The following B4GALT1 variants were observed in gnomAD, a reference collection of about 807,000 sequenced individuals.
B4GALT1 encodes N-acetyllactosamine synthase.
A neutral mutation model predicts 34.9 loss-of-function variants in B4GALT1; 16 were observed. The observed-to-expected ratio is 0.46, with a 90% CI of 0.31 to 0.70. The LOEUF is 0.70. Ranked by LOEUF, B4GALT1 falls within the 30% of genes least tolerant of loss-of-function variation. The probability of loss-of-function intolerance (pLI) is 0.05; values close to 1 mark genes in which losing one functional copy is unlikely to be tolerated. For synonymous variants in B4GALT1, 221 were observed against 218.1 expected, an observed-to-expected ratio of 1.01 and a Z score of -0.12; for missense variants, 445 against 530.5, an observed-to-expected ratio of 0.84 and a Z score of 1.58.
At chr9:33,159,873 G>C (rs1564053905) in intron 1 of B4GALT1, among the ~76,000 whole-genome samples, 1 of 152,204 alleles carries the variant, frequency 6.6e-6, no homozygotes, top group African/African-American at 2.4e-5. Context: ...CCAGCACAGG[G>C]ACTTAGCTGC....
At chr9:33,141,910 T>G (rs1190132023) in intron 1 of B4GALT1, among the ~76,000 whole-genome samples, 1 of 152,198 alleles carries the variant, frequency 6.6e-6, no homozygotes, top group African/African-American at 2.4e-5. Flanking sequence ...GACTCTCGAT[T>G]CTCACGTGAA....
At chr9:33,129,117 G>T (rs1317121327) in intron 2 of B4GALT1, among the ~76,000 whole-genome samples, 1 of 152,050 alleles carries the variant, frequency 6.6e-6, no homozygotes, top group Non-Finnish European at 1.5e-5. Flanking sequence ...CCTGGCCATC[G>T]TGTGCTTACC....
At chr9:33,152,173 G>A (rs1023658595) in intron 1 of B4GALT1, among the ~76,000 whole-genome samples, 25 of 151,866 alleles carry the variant, frequency 1.6e-4, no homozygotes, top group African/African-American at 3.6e-4. Context: ...GTGTGGTGGC[G>A]GGTGCCTGTA....
intron 2 of B4GALT1, among the ~76,000 whole-genome samples, chr9:33,129,185 TG>T (rs1177761605): frequency 2.0e-5 from 3 of 151,894 alleles, no homozygotes; most frequent in Admixed American, 6.6e-5. Flanking sequence ...CTCTGGGGGA[TG>T]GGGGGAGGTG....
chr9:33,140,262 C>T (rs987007433), intron 1 of B4GALT1, among the ~76,000 whole-genome samples: 8 of 152,126 alleles, frequency 5.3e-5, no homozygotes, highest in African/African-American at 9.7e-5. Flanking sequence ...GCCAGTGGGT[C>T]GAAAGAAGCG....
chr9:33,113,234 G>T lies in B4GALT1; in HGVS notation c.*220C>A, dbSNP rs1223097332. On this transcript the variant is annotated 3_prime_UTR_variant, in exon 6 of 6. Transcript: ENST00000379731. Reference sequence around the variant, plus strand: ...GCGAACACATCAAGAAACCCGCAAAGGCATAAACACCTTGCAGAGCTAAGA... The same window carrying T: ...GCGAACACATCAAGAAACCCGCAAATGCATAAACACCTTGCAGAGCTAAGA... 4 of 633,424 alleles carry T rather than the reference G, an allele frequency of 6.3e-6. No individual in the cohort carries two copies. In the African/African-American group the frequency reaches 7.3e-5, roughly 11 times the overall value. The allele number at this position is 633,424 out of a possible 1,614,324, so 39.2% of individuals were successfully genotyped here.
chr9:33,153,242 G>T (rs1587747155), intron 1 of B4GALT1, among the ~76,000 whole-genome samples: 1 of 152,096 alleles, frequency 6.6e-6, no homozygotes, highest in African/African-American at 2.4e-5. Context: ...AAAGCCAGAG[G>T]GCAAACTGAC....
chr9:33,113,329 T>G lies in B4GALT1; in HGVS notation c.*125A>C. 7.0e-7 allele frequency: 1 copy of G among 1,428,528 alleles called. No individual in the cohort carries two copies. The highest frequency in any genetic ancestry group is 9.9e-7 in the Non-Finnish European group (1 of 1,014,780). 88.5% of individuals were successfully genotyped at this position (1,428,528 alleles called of 1,614,324 possible). A position where few individuals can be genotyped will look rare whatever the true frequency, so the allele number is the denominator to read the frequency against. ...CTGGTCATCTGGAAAGCCATCTGAATGATGAGCGAAGGGGACCTGTCACTC... is the reference window on the plus strand; with the variant it reads ...CTGGTCATCTGGAAAGCCATCTGAAGGATGAGCGAAGGGGACCTGTCACTC... On this transcript the variant is annotated 3_prime_UTR_variant, in exon 6 of 6. Coordinates refer to ENST00000379731, the MANE Select transcript of B4GALT1 (RefSeq NM_001497.4).
chr9:33,116,186 G>C, intron 3 of B4GALT1, 73 bp from the exon 4 acceptor site: 1 of 1,548,668 alleles, frequency 6.5e-7, no homozygotes, highest in East Asian at 2.4e-5. Context: ...AAAGCTTGCT[G>C]AGAACATAAA....
the B4GALT1 span, among the ~76,000 whole-genome samples, chr9:33,175,018 T>TAAAA: frequency 1.3e-5 from 1 of 75,092 alleles, no homozygotes; most frequent in African/African-American, 4.7e-5. Context: ...TATATATATA[T>TAAAA]ATAAAATTGG....
At chr9:33,180,754 G>A in the B4GALT1 span, among the ~76,000 whole-genome samples, 79 of 152,288 alleles carry the variant, frequency 5.2e-4, no homozygotes, top group African/African-American at 1.8e-3. Context: ...AGGTAGGGGA[G>A]GAACGAATCT....
chr9:33,174,644 G>A, the B4GALT1 span, among the ~76,000 whole-genome samples: 26,295 of 150,988 alleles, frequency 0.17, 2,911 homozygotes, highest in Admixed American at 0.26. Flanking sequence ...GTGAGACTCC[G>A]TCTCAAAATT....
upstream of B4GALT1, among the ~76,000 whole-genome samples, chr9:33,171,115 G>A (rs1023280062): frequency 3.9e-5 from 6 of 152,372 alleles, 1 homozygote; most frequent in African/African-American, 1.4e-4. Flanking sequence ...ATGGTAGACA[G>A]TTATTTCAGT....
At chr9:33,139,452 T>C (rs1164753617) in intron 1 of B4GALT1, among the ~76,000 whole-genome samples, 1 of 152,200 alleles carries the variant, frequency 6.6e-6, no homozygotes, top group African/African-American at 2.4e-5. Context: ...CCTGCCCTTC[T>C]TGCCAATCTG....
Position 33,111,845 on chromosome 9 carries a change from A to C in B4GALT1, c.*1609T>G, listed in dbSNP as rs987394990. On this transcript the variant is annotated 3_prime_UTR_variant, in exon 6 of 6. Transcript: ENST00000379731. ...CAACAGAGGTGGGTTTGTGACAGAC[A>C]GCCCTGTGGGTGGGAGCCTCAACTG... 5.2e-5 allele frequency: 8 copies of C among 152,524 alleles called. No individual in the cohort carries two copies. The highest frequency in any genetic ancestry group is 1.9e-4 in the African/African-American group (8 of 41,458). The allele number at this position is 152,524 out of a possible 1,614,324, so 9.4% of individuals were successfully genotyped here.
In B4GALT1 at chr9:33,157,120, C is replaced by A. The variant is rs1398326329; in HGVS notation, c.412+9638G>T. Among the ~76,000 whole-genome samples, 6 of 30,924 alleles carry A rather than the reference C, an allele frequency of 1.9e-4. No homozygotes were observed. In the East Asian group the frequency reaches 3.2e-3, roughly 16 times the overall value. 20.3% of individuals were successfully genotyped at this position (30,924 alleles called of 152,430 possible). A position where few individuals can be genotyped will look rare whatever the true frequency, so the allele number is the denominator to read the frequency against. ...CACACACGGTGTCCAGCATAGGGAA[C>A]TACACACACACACACACACACACAC... On this transcript the variant is annotated intron_variant, in intron 1 of 5. Transcript: ENST00000379731.
chr9:33,119,114 G>A (rs1216346462), intron 3 of B4GALT1, among the ~76,000 whole-genome samples: 2 of 152,026 alleles, frequency 1.3e-5, no homozygotes, highest in Non-Finnish European at 1.5e-5. Flanking sequence ...TGCCCGCCTC[G>A]GCCTCCCAAA....
intron 2 of B4GALT1, among the ~76,000 whole-genome samples, chr9:33,131,954 T>G (rs2118136264): frequency 6.6e-6 from 1 of 152,306 alleles, no homozygotes; most frequent in South Asian, 2.1e-4. Context: ...AACTTAGTTA[T>G]CTGGACTCTG....
At chr9:33,184,327 G>T in the B4GALT1 span, among the ~76,000 whole-genome samples, 118 of 150,400 alleles carry the variant, frequency 7.8e-4, no homozygotes, top group African/African-American at 2.8e-3. Context: ...ACAATCAGCA[G>T]TTTCCAGCAT....
Sources: allele counts gnomAD v4.1 joint callset (sites outside exome capture counted in the v4.1 genomes callset), GRCh38; gene constraint gnomAD v4.1.1; transcripts MANE v1.5; gene names NCBI Gene and HGNC (gene_info 2026-07-23, HGNC 2026-07-21).